The following PRKG2 variants were observed in gnomAD, a reference collection of about 807,000 sequenced individuals.
PRKG2 encodes cGMP-dependent protein kinase 2.
A neutral mutation model predicts 97.2 loss-of-function variants in PRKG2; 33 were observed. The observed-to-expected ratio is 0.34, with a 90% CI of 0.26 to 0.45. The LOEUF (loss-of-function observed/expected upper bound fraction) is 0.45, where lower values mean the gene tolerates loss of function less well. Among genes scored for constraint, PRKG2 ranks in the 20% least tolerant of loss-of-function variants. PRKG2 has a pLI of 1.00. For missense variants in PRKG2, 638 were observed against 900.0 expected (o/e 0.71, Z 3.73); for synonymous variants, 330 against 321.8 (o/e 1.03, Z -0.27).
chr4:81,155,414 A>G (rs1282263110), intron 6 of PRKG2, among the ~76,000 whole-genome samples: 2 of 152,104 alleles, frequency 1.3e-5, no homozygotes, highest in African/African-American at 4.8e-5. Context: ...AGCCTCCAAG[A>G]AATATGGGAC....
At chr4:81,142,334 G>T (rs1391711050) in intron 11 of PRKG2, among the ~76,000 whole-genome samples, 1 of 152,160 alleles carries the variant, frequency 6.6e-6, no homozygotes, top group East Asian at 1.9e-4. Flanking sequence ...TAATGAAGGT[G>T]AAATACAGAC....
At chr4:81,139,860 C>T (rs1289771182) in intron 12 of PRKG2, among the ~76,000 whole-genome samples, 2 of 150,954 alleles carry the variant, frequency 1.3e-5, no homozygotes, top group African/African-American at 4.9e-5. Flanking sequence ...ATTTTTAGTA[C>T]TGTTGCTGTG....
chr4:81,106,085 A>C (rs1743303995), intron 15 of PRKG2, 150 bp from the exon 16 acceptor site: 4 of 870,438 alleles, frequency 4.6e-6, no homozygotes, highest in Non-Finnish European at 6.8e-6. Context: ...ATTTAGATAT[A>C]TCCTAGAATA....
At chr4:81,137,283 T>C (rs1417824569) in intron 13 of PRKG2, 110 bp downstream of exon 13, 2 of 823,066 alleles carry the variant, frequency 2.4e-6, no homozygotes, top group Admixed American at 4.4e-5. Context: ...CTTTATTTTA[T>C]CAAGGGATAT....
At chr4:81,182,469 T>C (rs988146031) in intron 2 of PRKG2, among the ~76,000 whole-genome samples, 5 of 151,988 alleles carry the variant, frequency 3.3e-5, no homozygotes, top group Non-Finnish European at 5.9e-5. Flanking sequence ...CGTGAAACAT[T>C]GAAAGCTTTC....
chr4:81,107,553 A>G (rs59402330), intron 15 of PRKG2, among the ~76,000 whole-genome samples: 23,032 of 152,012 alleles, frequency 0.15, 2,378 homozygotes, highest in African/African-American at 0.28. Context: ...TCACTCTGTC[A>G]TCAGGCTGGA....
intron 14 of PRKG2, among the ~76,000 whole-genome samples, chr4:81,123,868 C>CA (rs35455343): frequency 4.0e-4 from 61 of 152,080 alleles, no homozygotes; most frequent in African/African-American, 1.4e-3. Context: ...AACATTTTCT[C>CA]AAAAAAAGAA....
At chr4:81,197,734 G>A (rs1017349367) in intron 2 of PRKG2, among the ~76,000 whole-genome samples, 2 of 151,906 alleles carry the variant, frequency 1.3e-5, no homozygotes, top group African/African-American at 2.4e-5. Context: ...GTCAGATATT[G>A]AGAATGAGAG....
chr4:81,105,983 G>T, intron 15 of PRKG2, 48 bp from the exon 16 acceptor site: 4 of 1,561,826 alleles, frequency 2.6e-6, no homozygotes, highest in Non-Finnish European at 3.5e-6. Flanking sequence ...CAGGGTCTGA[G>T]ATCACATTTG....
chr4:81,154,184 G>C (rs1033488685), intron 6 of PRKG2: 1 of 163,218 alleles, frequency 6.1e-6, no homozygotes, highest in Non-Finnish European at 1.3e-5. Flanking sequence ...GCAGCAGCGA[G>C]GCTCGGGGAG....
chr4:81,108,880 GAGTGA>G, intron 15 of PRKG2, among the ~76,000 whole-genome samples: 1 of 152,154 alleles, frequency 6.6e-6, no homozygotes, highest in East Asian at 1.9e-4. Flanking sequence ...CTGGGTGACA[GAGTGA>G]CACCGTGTCT....
At chr4:81,144,489 G>A (rs939256135) in intron 9 of PRKG2, among the ~76,000 whole-genome samples, 159 bp from the exon 10 acceptor site, 3 of 151,428 alleles carry the variant, frequency 2.0e-5, no homozygotes, top group Non-Finnish European at 4.4e-5. Context: ...TATGTACAAG[G>A]GTTATTAAAA....
intron 2 of PRKG2, among the ~76,000 whole-genome samples, chr4:81,187,849 T>C (rs1009889290): frequency 2.0e-5 from 3 of 152,072 alleles, no homozygotes; most frequent in Non-Finnish European, 4.4e-5. Context: ...ATCCCTTCCT[T>C]ACACCTTATA....
chr4:81,135,555 G>A (rs1392371014), intron 13 of PRKG2, among the ~76,000 whole-genome samples: 1 of 152,074 alleles, frequency 6.6e-6, no homozygotes, highest in Non-Finnish European at 1.5e-5. Flanking sequence ...ATCACACATG[G>A]ACATGTAAAA....
intron 14 of PRKG2, among the ~76,000 whole-genome samples, chr4:81,130,868 C>A (rs763698401): frequency 6.6e-6 from 1 of 152,188 alleles, no homozygotes; most frequent in Non-Finnish European, 1.5e-5. Context: ...CGACTTCAGA[C>A]TGCTGTGCTG....
rs1354073185 is a variant in PRKG2 at position 81,113,314 on chromosome 4, C to T, written c.1777-2703G>A. Among the ~76,000 whole-genome samples the T allele has an allele frequency of 1.3e-5, 2 of 151,826 alleles. 1 individual carries two copies. Among genetic ancestry groups the T allele is most frequent in the South Asian group, 4.2e-4 (2 of 4,814 alleles). On this transcript the variant is annotated intron_variant, in intron 14 of 18. Transcript: ENST00000264399. Reference sequence around the variant, plus strand: ...TAGGAGACAAGAAAATAGACACCCTCCCCTTTTTTTTCAAATTCTACTAAC... The same window carrying T: ...TAGGAGACAAGAAAATAGACACCCTTCCCTTTTTTTTCAAATTCTACTAAC...
intron 9 of PRKG2, among the ~76,000 whole-genome samples, chr4:81,147,412 G>T (rs956400669): frequency 1.3e-4 from 20 of 152,072 alleles, no homozygotes; most frequent in Non-Finnish European, 2.6e-4. Flanking sequence ...TTGAGAGTTG[G>T]CATCCAAAGA....
chr4:81,144,159 A>G, intron 10 of PRKG2, 73 bp downstream of exon 10: 1 of 1,380,406 alleles, frequency 7.2e-7, no homozygotes, highest in Non-Finnish European at 1.0e-6. Flanking sequence ...AGCAAGTCAC[A>G]CCCTCTGTCC....
chr4:81,188,540 T>C (rs1752112031), intron 2 of PRKG2, among the ~76,000 whole-genome samples: 1 of 140,832 alleles, frequency 7.1e-6, no homozygotes, highest in African/African-American at 3.1e-5. Flanking sequence ...CCCAAAGGAC[T>C]ATAAATCATG....
Sources: gnomAD v4.1 joint callset for allele counts (sites outside exome capture counted in the v4.1 genomes callset) on GRCh38, gnomAD v4.1.1 for gene constraint, MANE v1.5 for transcripts, NCBI Gene and HGNC (gene_info 2026-07-23, HGNC 2026-07-21) for gene names.